JAK1: variants seen among roughly 807,000 people sequenced by gnomAD.
The protein encoded by JAK1 is tyrosine-protein kinase JAK1.
JAK1 carries 16 observed loss-of-function variants against 136.6 expected under a neutral mutation model. The observed-to-expected ratio is 0.12, with a 90% CI of 0.08 to 0.18. JAK1 has a LOEUF of 0.18. JAK1 is among the 10% of genes least tolerant of loss of function. JAK1 has a pLI of 1.00. For missense variants in JAK1, 859 were observed against 1,450.1 expected, an observed-to-expected ratio of 0.59 and a Z score of 6.62; for synonymous variants, 492 against 519.5, an observed-to-expected ratio of 0.95 and a Z score of 0.72.
intron 1 of JAK1, among the ~76,000 whole-genome samples, chr1:64,933,622 T>C (rs558751998): frequency 2.2e-4 from 33 of 152,158 alleles, no homozygotes; most frequent in African/African-American, 7.7e-4. Context: ...AAATGACACA[T>C]CGTATGCCCT....
intron 12 of JAK1, 132 bp from the exon 13 acceptor site, chr1:64,847,807 C>T: frequency 1.0e-6 from 1 of 979,370 alleles, no homozygotes. Flanking sequence ...CCTGCCCCAG[C>T]TCGTGGTCCC....
intron 2 of JAK1, among the ~76,000 whole-genome samples, chr1:65,039,084 G>A (rs1179650611): frequency 9.2e-5 from 14 of 152,054 alleles, no homozygotes; most frequent in Non-Finnish European, 1.6e-4. Flanking sequence ...GGCTTGAGCC[G>A]CCACACCCAG....
chr1:64,892,294 G>C (rs1353344881), intron 1 of JAK1, among the ~76,000 whole-genome samples: 1 of 151,984 alleles, frequency 6.6e-6, no homozygotes, highest in African/African-American at 2.4e-5. Flanking sequence ...TGGGGGGGAT[G>C]GAGGGGGATG....
chr1:64,909,858 G>A (rs1432880330), intron 1 of JAK1, among the ~76,000 whole-genome samples: 5 of 152,000 alleles, frequency 3.3e-5, no homozygotes, highest in African/African-American at 9.7e-5. Flanking sequence ...AATAAGACAG[G>A]CGCTTGCTCT....
intron 1 of JAK1, among the ~76,000 whole-genome samples, chr1:64,936,352 T>C (rs548679033): frequency 6.6e-5 from 10 of 152,318 alleles, no homozygotes; most frequent in African/African-American, 2.4e-4. Flanking sequence ...TATTTGGTAT[T>C]TAAGATAAAA....
At chr1:64,848,154 T>C (rs1408115755) in intron 12 of JAK1, 1 of 154,956 alleles carries the variant, frequency 6.5e-6, no homozygotes, top group African/African-American at 2.4e-5. Flanking sequence ...CTCTGCCCAC[T>C]TTCTGCAAAT....
chr1:65,007,467 TTG>T (rs1417030392), intron 2 of JAK1, among the ~76,000 whole-genome samples: 1 of 152,186 alleles, frequency 6.6e-6, no homozygotes. Context: ...TTGTTTTGTT[TTG>T]TTTTTTGAGA....
At chr1:65,047,027 T>C (rs1441694268) in intron 1 of JAK1, among the ~76,000 whole-genome samples, 2 of 150,816 alleles carry the variant, frequency 1.3e-5, no homozygotes, top group Admixed American at 1.3e-4. Context: ...CCCATCGCTA[T>C]AGGAAAAAAA....
At chr1:64,912,646 G>A (rs1645303549) in intron 1 of JAK1, among the ~76,000 whole-genome samples, 1 of 152,156 alleles carries the variant, frequency 6.6e-6, no homozygotes, top group South Asian at 2.1e-4. Flanking sequence ...CTGTAAAGCA[G>A]GACTACTCTC....
At chr1:64,856,162 A>G (rs1193159947) in intron 10 of JAK1, among the ~76,000 whole-genome samples, 1 of 152,214 alleles carries the variant, frequency 6.6e-6, no homozygotes, top group East Asian at 1.9e-4. Context: ...CTTCCAGGCC[A>G]TGTCTCCACT....
chr1:65,039,038 C>T (rs1244833811), intron 2 of JAK1, among the ~76,000 whole-genome samples: 2 of 152,014 alleles, frequency 1.3e-5, no homozygotes, highest in Non-Finnish European at 2.9e-5. Context: ...CTCAAGCAAT[C>T]CTCCTGCCTC....
At chr1:64,940,079 TA>T (rs199554666) in intron 1 of JAK1, among the ~76,000 whole-genome samples, 2,708 of 152,156 alleles carry the variant, frequency 0.018, 74 homozygotes, top group African/African-American at 0.061. Context: ...AACAAACCTA[TA>T]AATCCTATGA....
intron 1 of JAK1, among the ~76,000 whole-genome samples, chr1:65,055,942 T>G (rs1389235734): frequency 6.6e-6 from 1 of 152,168 alleles, no homozygotes; most frequent in East Asian, 1.9e-4. Context: ...AATGAATTTT[T>G]ATAAAACTAG....
chr1:64,889,552 G>C (rs1160767165), intron 1 of JAK1, among the ~76,000 whole-genome samples: 1 of 152,060 alleles, frequency 6.6e-6, no homozygotes, highest in Non-Finnish European at 1.5e-5. Context: ...AATTGCTTCA[G>C]TTTACCACAG....
chr1:64,900,147 A>C (rs1312629252), intron 1 of JAK1, among the ~76,000 whole-genome samples: 1 of 152,172 alleles, frequency 6.6e-6, no homozygotes, highest in Non-Finnish European at 1.5e-5. Context: ...GAGCCAATTC[A>C]CCTCTCTACC....
At chr1:64,904,750 C>T (rs1002519327) in intron 1 of JAK1, among the ~76,000 whole-genome samples, 4 of 151,880 alleles carry the variant, frequency 2.6e-5, no homozygotes, top group African/African-American at 7.2e-5. Context: ...CATATATACA[C>T]ACACACACAC....
At chr1:65,005,968 C>G (rs1338628160) in intron 2 of JAK1, among the ~76,000 whole-genome samples, 1 of 152,182 alleles carries the variant, frequency 6.6e-6, no homozygotes, top group Non-Finnish European at 1.5e-5. Context: ...TGTGAACTCT[C>G]ATGCTCAGAC....
intron 1 of JAK1, chr1:64,941,947 G>A (rs902403657): frequency 6.6e-6 from 1 of 152,086 alleles, no homozygotes; most frequent in Non-Finnish European, 1.5e-5. Flanking sequence ...GAGCCCAGTC[G>A]GCCTGGAGCG....
rs74080749 is a variant in JAK1 at position 64,841,950 on chromosome 1, A to G, written c.2404-349T>C. Among the ~76,000 whole-genome samples, 899 of 152,376 alleles carry G rather than the reference A, an allele frequency of 5.9e-3. 5 individuals are homozygous for G. Among genetic ancestry groups the G allele is most frequent in the African/African-American group, 0.019 (781 of 41,588 alleles). The stretch of plus-strand genomic sequence containing the variant: ...ACTTCAATGACTGAATGACTCAGAA[A>G]TAAATCAGATATGAACAAATATTTA... On this transcript the variant is annotated intron_variant, in intron 17 of 24. Coordinates refer to ENST00000342505, the MANE Select transcript of JAK1 (RefSeq NM_002227.4).
Sources: allele counts gnomAD v4.1 joint callset (sites outside exome capture counted in the v4.1 genomes callset), GRCh38; gene constraint gnomAD v4.1.1; transcripts MANE v1.5; gene names NCBI Gene and HGNC (gene_info 2026-07-23, HGNC 2026-07-21).